Variants in INSC observed in about 807,000 individuals in gnomAD.
INSC encodes the protein protein inscuteable homolog.
In INSC, 67 loss-of-function variants were observed where a neutral mutation model predicts 58.6. The ratio of observed to expected loss-of-function variants is 1.14; its 90% CI spans 0.94 to 1.40. The LOEUF is 1.40. INSC is among the 40% of genes most tolerant of loss of function. The pLI, the probability that INSC is intolerant of heterozygous loss-of-function variation, is 0.00. For missense variants in INSC, 714 were observed against 692.0 expected, an observed-to-expected ratio of 1.03 and a Z score of -0.36; for synonymous variants, 262 against 276.1, an observed-to-expected ratio of 0.95 and a Z score of 0.51.
chr11:15,225,891 C>G, intron 9 of INSC, 63 bp downstream of exon 9: 1 of 1,510,228 alleles, frequency 6.6e-7, no homozygotes, highest in Non-Finnish European at 9.0e-7. Context: ...GTTAGGAGGC[C>G]AGCACGTAGT....
At chr11:15,221,245 G>A (rs1164481063) in intron 7 of INSC, among the ~76,000 whole-genome samples, 1 of 151,996 alleles carries the variant, frequency 6.6e-6, no homozygotes, top group Non-Finnish European at 1.5e-5. Flanking sequence ...CCCATGAAAG[G>A]TTACTGATCT....
the INSC span, among the ~76,000 whole-genome samples, chr11:15,266,484 A>G: frequency 6.6e-6 from 1 of 152,046 alleles, no homozygotes; most frequent in African/African-American, 2.4e-5. Context: ...GACAAGAAAA[A>G]CATTTCTTAA....
Position 15,115,000 on chromosome 11 carries a change from C to G in INSC, c.-49C>G, listed in dbSNP as rs2133668017. 1 of 985,474 alleles carries G rather than the reference C, an allele frequency of 1.0e-6. No individual in the cohort carries two copies. The highest frequency in any genetic ancestry group is 6.1e-5 in the Admixed American group (1 of 16,294). 61.0% of individuals were successfully genotyped at this position (985,474 alleles called of 1,614,324 possible). On this transcript the variant is annotated 5_prime_UTR_variant, in exon 1 of 13. Transcript: ENST00000379556. Reference sequence around the variant, plus strand: ...TCGCACTACCAGCCTGTCTCGCACGCTAAGTAAGTAGACAGCTCCCCTAGC... The same window carrying G: ...TCGCACTACCAGCCTGTCTCGCACGGTAAGTAAGTAGACAGCTCCCCTAGC...
intron 9 of INSC, among the ~76,000 whole-genome samples, chr11:15,229,696 A>G (rs1167847725): frequency 1.3e-5 from 2 of 151,646 alleles, no homozygotes; most frequent in African/African-American, 2.4e-5. Flanking sequence ...GGTCGGAGAC[A>G]GGGAATGTAA....
At chr11:15,217,835 C>T (rs1463410027) in intron 7 of INSC, among the ~76,000 whole-genome samples, 1 of 152,138 alleles carries the variant, frequency 6.6e-6, no homozygotes, top group Non-Finnish European at 1.5e-5. Context: ...GGTTAAAATA[C>T]AATTTTTGTA....
intron 2 of INSC, among the ~76,000 whole-genome samples, chr11:15,171,370 G>A (rs1413016342): frequency 6.6e-6 from 1 of 151,718 alleles, no homozygotes; most frequent in African/African-American, 2.4e-5. Flanking sequence ...GGATCTCAAT[G>A]TGAATGGCCA....
chr11:15,174,221 G>A (rs1849499382), intron 2 of INSC, among the ~76,000 whole-genome samples: 1 of 152,182 alleles, frequency 6.6e-6, no homozygotes, highest in Non-Finnish European at 1.5e-5. Flanking sequence ...TTTGCCCTCA[G>A]ATAGCCACAT....
intron 2 of INSC, among the ~76,000 whole-genome samples, chr11:15,161,173 G>A (rs368911208): frequency 7.1e-4 from 108 of 152,266 alleles, no homozygotes; most frequent in African/African-American, 2.4e-3. Context: ...ATAAAGTGTT[G>A]GCAGTGCCAT....
chr11:15,163,692 C>G (rs1479562178), intron 2 of INSC, among the ~76,000 whole-genome samples: 1 of 152,196 alleles, frequency 6.6e-6, no homozygotes, highest in African/African-American at 2.4e-5. Context: ...TTCCTGGGTT[C>G]AAGCGATTCC....
the INSC span, among the ~76,000 whole-genome samples, chr11:15,264,576 C>T: frequency 6.7e-6 from 1 of 150,196 alleles, no homozygotes; most frequent in African/African-American, 2.4e-5. Context: ...AGCAATAGAA[C>T]CTCAAATTCT....
chr11:15,113,304 G>T (rs547074415), upstream of INSC, among the ~76,000 whole-genome samples: 1 of 152,112 alleles, frequency 6.6e-6, no homozygotes, highest in South Asian at 2.1e-4. Flanking sequence ...GGGGTAACAG[G>T]CACATGACAA....
intron 1 of INSC, among the ~76,000 whole-genome samples, chr11:15,136,668 T>C (rs1848253251): frequency 6.6e-6 from 1 of 152,336 alleles, no homozygotes; most frequent in Admixed American, 6.5e-5. Context: ...TTTAGTTTTG[T>C]CATGAGGTTG....
At chr11:15,122,461 C>T (rs1426686604) in intron 1 of INSC, among the ~76,000 whole-genome samples, 1 of 152,198 alleles carries the variant, frequency 6.6e-6, no homozygotes, top group Non-Finnish European at 1.5e-5. Flanking sequence ...AAGTGACTCC[C>T]AGTTTGATGC....
intron 2 of INSC, among the ~76,000 whole-genome samples, chr11:15,170,448 T>A (rs1367693151): frequency 2.0e-5 from 3 of 152,110 alleles, no homozygotes; most frequent in Admixed American, 2.0e-4. Context: ...AGAATGTCCC[T>A]CAGTTTGGGT....
intron 1 of INSC, among the ~76,000 whole-genome samples, chr11:15,116,104 G>A (rs944698789): frequency 6.6e-6 from 1 of 152,142 alleles, no homozygotes; most frequent in Non-Finnish European, 1.5e-5. Context: ...CTCAGCCAGA[G>A]AGCATCTTGT....
intron 6 of INSC, among the ~76,000 whole-genome samples, chr11:15,195,427 A>G (rs76589763): frequency 6.6e-6 from 1 of 152,208 alleles, no homozygotes; most frequent in African/African-American, 2.4e-5. Context: ...TATGTTTTGT[A>G]AAGAATGGGC....
intron 7 of INSC, among the ~76,000 whole-genome samples, chr11:15,205,962 C>T (rs1850781729): frequency 6.6e-6 from 1 of 152,174 alleles, no homozygotes; most frequent in African/African-American, 2.4e-5. Flanking sequence ...AAGGCCTCTC[C>T]ACAAGTGTCT....
At chr11:15,268,745 AGTCT>A in the INSC span, among the ~76,000 whole-genome samples, 1 of 152,042 alleles carries the variant, frequency 6.6e-6, no homozygotes, top group Non-Finnish European at 1.5e-5. Context: ...GATTATTCAG[AGTCT>A]GTCTATGTAT....
At chr11:15,233,188 G>A (rs1851989795) in intron 9 of INSC, among the ~76,000 whole-genome samples, 1 of 152,130 alleles carries the variant, frequency 6.6e-6, no homozygotes, top group African/African-American at 2.4e-5. Context: ...GATGTCCTCT[G>A]GATTCACCAA....
Sources: gnomAD v4.1 joint callset for allele counts (sites outside exome capture counted in the v4.1 genomes callset) on GRCh38, gnomAD v4.1.1 for gene constraint, MANE v1.5 for transcripts, NCBI Gene and HGNC (gene_info 2026-07-23, HGNC 2026-07-21) for gene names.